ZFYVE9: variants seen among roughly 807,000 people sequenced by gnomAD.
The protein encoded by ZFYVE9 is zinc finger FYVE-type containing 9, also known as zinc finger FYVE domain-containing protein 9.
ZFYVE9 carries 43 observed loss-of-function variants against 126.7 expected under a neutral mutation model. That is an observed-to-expected ratio of 0.34 (90% confidence interval 0.27 to 0.44). The LOEUF is 0.44. ZFYVE9 is among the 20% of genes least tolerant of loss of function. ZFYVE9 has a pLI of 1.00. For missense variants in ZFYVE9, 1,476 were observed against 1,697.0 expected (o/e 0.87, Z 2.29); for synonymous variants, 521 against 597.4 (o/e 0.87, Z 1.87).
chr1:52,299,232 G>A (rs1049385497), intron 12 of ZFYVE9, among the ~76,000 whole-genome samples: 8 of 151,558 alleles, frequency 5.3e-5, no homozygotes, highest in African/African-American at 1.5e-4. Flanking sequence ...TTTTATTAGC[G>A]TATAGAAACA....
At chr1:52,161,567 C>T (rs374297434) in intron 1 of ZFYVE9, among the ~76,000 whole-genome samples, 17 of 152,152 alleles carry the variant, frequency 1.1e-4, no homozygotes, top group East Asian at 9.7e-4. Context: ...CTAGGATTAC[C>T]GGTGTGAGCC....
At chr1:52,256,384 C>A (rs1424228209) in intron 4 of ZFYVE9, among the ~76,000 whole-genome samples, 2 of 145,496 alleles carry the variant, frequency 1.4e-5, no homozygotes, top group Non-Finnish European at 3.0e-5. Flanking sequence ...TTTTCTTTTT[C>A]TTTTTTGAGA....
intron 1 of ZFYVE9, among the ~76,000 whole-genome samples, chr1:52,176,129 A>G (rs769315757): frequency 2.6e-5 from 4 of 151,900 alleles, no homozygotes; most frequent in Admixed American, 6.6e-5. Context: ...TTGTAGTTTT[A>G]TCTACTTTTG....
chr1:52,199,987 G>A (rs77365039), intron 1 of ZFYVE9, among the ~76,000 whole-genome samples: 2,331 of 149,934 alleles, frequency 0.016, 20 homozygotes, highest in Non-Finnish European at 0.024. Flanking sequence ...CTTCTTTGGT[G>A]AAGTGTCTGT....
intron 3 of ZFYVE9, among the ~76,000 whole-genome samples, chr1:52,235,496 T>C (rs1645265341): frequency 6.6e-6 from 1 of 152,124 alleles, no homozygotes; most frequent in Non-Finnish European, 1.5e-5. Flanking sequence ...TTTTTTCTTT[T>C]AAGGAATCCT....
chr1:52,266,843 T>C lies in ZFYVE9; in HGVS notation c.2455+12T>C, dbSNP rs760388257. On this transcript the variant is annotated intron_variant, in intron 6 of 18. Coordinates refer to ENST00000287727, the MANE Select transcript of ZFYVE9 (RefSeq NM_004799.4). The stretch of plus-strand genomic sequence containing the variant: ...CCCTGGAGCAGAAGGTAGGGGATCA[T>C]GTGCTATTCTCTCTCTTTTTCCTCA... 8 of 1,565,636 alleles carry C rather than the reference T, an allele frequency of 5.1e-6. No individual in the cohort carries two copies. The highest frequency in any genetic ancestry group is 1.2e-5 in the South Asian group (1 of 82,966).
chr1:52,207,615 A>G (rs57052694), intron 1 of ZFYVE9, among the ~76,000 whole-genome samples: 5,561 of 152,276 alleles, frequency 0.037, 253 homozygotes, highest in African/African-American at 0.11. Context: ...TCATATTCAA[A>G]GGGTGTCTTT....
intron 4 of ZFYVE9, 150 bp downstream of exon 4, chr1:52,239,745 T>TA (rs1645314950): frequency 1.1e-6 from 1 of 900,446 alleles, no homozygotes; most frequent in Non-Finnish European, 1.6e-6. Flanking sequence ...AATTTCTATA[T>TA]AAAAAATGAT....
chr1:52,192,677 A>G (rs1036838684), intron 1 of ZFYVE9, among the ~76,000 whole-genome samples: 2 of 152,238 alleles, frequency 1.3e-5, no homozygotes, highest in African/African-American at 4.8e-5. Context: ...CAAAGGATTA[A>G]TGCACAGGAT....
Position 52,332,862 on chromosome 1 carries a change from A to G in ZFYVE9, c.3533A>G (p.Asn1178Ser), listed in dbSNP as rs1475843836. ...GACTCTCATCTTGTGTGTGTACAGA[A>G]TGATGATGGAAACTATCAGACCCAG... ...KADSHLVCVQ[N>S]DDGNYQTQAI... Residue 1178 changes from asparagine (N) to serine (S), a missense_variant, in exon 14 of 19, where the codon AAT becomes AGT. Physicochemically the swap from Asn to Ser is conservative, Grantham distance 46. This residue lies in a region of ZFYVE9 where 669 missense variants were observed against 902.4 expected (regional missense o/e 0.74). Transcript: ENST00000287727. 1.2e-6 allele frequency: 2 copies of G among 1,614,204 alleles called. No homozygotes were observed. Among genetic ancestry groups the G allele is most frequent in the East Asian group, 4.5e-5 (2 of 44,876 alleles).
chr1:52,179,753 T>G, intron 1 of ZFYVE9: 10 of 382,014 alleles, frequency 2.6e-5, no homozygotes, highest in East Asian at 1.1e-4. Flanking sequence ...AGGAGGAGAG[T>G]TTTAAAAAAG....
At chr1:52,341,345 C>A (rs1013991984) in intron 17 of ZFYVE9, among the ~76,000 whole-genome samples, 1 of 152,228 alleles carries the variant, frequency 6.6e-6, no homozygotes, top group South Asian at 2.1e-4. Flanking sequence ...CTCTTTCCCA[C>A]TGTATTAATT....
chr1:52,237,367 T>C, intron 3 of ZFYVE9, 121 bp from the exon 4 acceptor site: 1 of 928,118 alleles, frequency 1.1e-6, no homozygotes, highest in East Asian at 2.7e-5. Context: ...AGCCCCGAAT[T>C]AGAAATCTAA....
chr1:52,301,155 C>T (rs1646029893), intron 12 of ZFYVE9, among the ~76,000 whole-genome samples: 1 of 151,920 alleles, frequency 6.6e-6, no homozygotes, highest in African/African-American at 2.4e-5. Context: ...CCACCATGCT[C>T]AGCCCGAGTT....
chr1:52,327,852 C>T (rs1410615245), intron 13 of ZFYVE9, among the ~76,000 whole-genome samples: 1 of 150,980 alleles, frequency 6.6e-6, no homozygotes, highest in African/African-American at 2.4e-5. Context: ...CGGGCGCCTG[C>T]AGTCCCAGCT....
At chr1:52,203,550 T>A (rs1363522850) in intron 1 of ZFYVE9, among the ~76,000 whole-genome samples, 1 of 151,208 alleles carries the variant, frequency 6.6e-6, no homozygotes, top group Non-Finnish European at 1.5e-5. Context: ...TGTATAGGTT[T>A]TTTTTGGCAT....
At chr1:52,255,956 TTCTTTTCTTTTC>T (rs1645509288) in intron 4 of ZFYVE9, among the ~76,000 whole-genome samples, 1 of 100,380 alleles carries the variant, frequency 1.0e-5, no homozygotes, top group Non-Finnish European at 1.8e-5. Flanking sequence ...TTCTTTTCTT[TTCTTTTCTTTTC>T]TTTCTTTCTT....
At chr1:52,169,053 C>T (rs188725735) in intron 1 of ZFYVE9, among the ~76,000 whole-genome samples, 1 of 152,258 alleles carries the variant, frequency 6.6e-6, no homozygotes, top group East Asian at 1.9e-4. Flanking sequence ...TGCTCCCTGA[C>T]ATCCAGATCT....
At chr1:52,161,587 A>G (rs1163082927) in intron 1 of ZFYVE9, among the ~76,000 whole-genome samples, 1 of 152,172 alleles carries the variant, frequency 6.6e-6, no homozygotes, top group East Asian at 1.9e-4. Flanking sequence ...CACTGTGCCT[A>G]GCCAAAGTTT....
Sources: gnomAD v4.1 joint callset for allele counts (sites outside exome capture counted in the v4.1 genomes callset) on GRCh38, gnomAD v4.1.1 for gene constraint, gnomAD v4.1.1 regional missense constraint, MANE v1.5 for transcripts, NCBI Gene and HGNC (gene_info 2026-07-23, HGNC 2026-07-21) for gene names.